SRGAP1: variants seen among roughly 807,000 people sequenced by gnomAD.
The protein encoded by SRGAP1 is SLIT-ROBO Rho GTPase-activating protein 1.
SRGAP1 carries 43 observed loss-of-function variants against 121.9 expected under a neutral mutation model. The observed-to-expected ratio is 0.35, with a 90% CI of 0.28 to 0.46. The LOEUF (loss-of-function observed/expected upper bound fraction) is 0.46. Ranked by LOEUF, SRGAP1 falls within the 20% of genes least tolerant of loss-of-function variation. The pLI, the probability that SRGAP1 is intolerant of heterozygous loss-of-function variation, is 1.00. For synonymous variants in SRGAP1, 447 were observed against 485.4 expected (o/e 0.92, Z 1.04); for missense variants, 1,102 against 1,350.9 (o/e 0.82, Z 2.89).
At chr12:64,092,164 T>C (rs2036064539) in intron 12 of SRGAP1, among the ~76,000 whole-genome samples, 1 of 152,172 alleles carries the variant, frequency 6.6e-6, no homozygotes, top group African/African-American at 2.4e-5. Flanking sequence ...ATGTATCAAG[T>C]TTGATCAAGG....
chr12:63,971,986 G>T (rs2032962775), intron 1 of SRGAP1, among the ~76,000 whole-genome samples: 1 of 152,158 alleles, frequency 6.6e-6, no homozygotes, highest in African/African-American at 2.4e-5. Flanking sequence ...TGGACCAGAG[G>T]TGATTGGAGC....
intron 4 of SRGAP1, among the ~76,000 whole-genome samples, chr12:64,035,679 T>A (rs2034889667): frequency 6.6e-6 from 1 of 152,170 alleles, no homozygotes; most frequent in African/African-American, 2.4e-5. Flanking sequence ...TGCAGTCGCC[T>A]CCAAGGCCAT....
chr12:63,983,397 T>C (rs1301026615), intron 1 of SRGAP1: 1 of 152,224 alleles, frequency 6.6e-6, no homozygotes, highest in Non-Finnish European at 1.5e-5. Context: ...TCGTTGTGTG[T>C]TTGTGGCATT....
At chr12:64,098,061 C>T (rs935324241) in intron 15 of SRGAP1, among the ~76,000 whole-genome samples, 1 of 152,048 alleles carries the variant, frequency 6.6e-6, no homozygotes, top group Non-Finnish European at 1.5e-5. Flanking sequence ...CTTTTAAGTC[C>T]GAGTTCCCAG....
intron 2 of SRGAP1, among the ~76,000 whole-genome samples, chr12:63,985,839 CACA>C (rs1232482937): frequency 1.3e-5 from 2 of 152,142 alleles, no homozygotes; most frequent in African/African-American, 4.8e-5. Context: ...CTTCACAGGG[CACA>C]ACAAGAAGAC....
rs147497245 is a variant in SRGAP1 at position 63,912,475 on chromosome 12, G to A, written c.67+67592G>A. On this transcript the variant is annotated intron_variant, in intron 1 of 21. Coordinates refer to ENST00000355086, the MANE Select transcript of SRGAP1 (RefSeq NM_020762.4). Reference sequence around the variant, plus strand: ...ATTAAAAATAAAAAATTACCCAGGCGTGGTGGCATGAGCCTGTAACCCCAG... The same window carrying A: ...ATTAAAAATAAAAAATTACCCAGGCATGGTGGCATGAGCCTGTAACCCCAG... Among the ~76,000 whole-genome samples, 80 of 152,210 alleles carry A rather than the reference G, an allele frequency of 5.3e-4. No homozygotes were observed. The East Asian group carries it at 0.015, about 28-fold the overall frequency.
At chr12:63,994,823 C>A (rs1323184839) in intron 3 of SRGAP1, among the ~76,000 whole-genome samples, 1 of 152,316 alleles carries the variant, frequency 6.6e-6, no homozygotes, top group African/African-American at 2.4e-5. Flanking sequence ...CCAGCTCTGC[C>A]TTCTGCAGTC....
chr12:63,902,064 C>T (rs1485318828), intron 1 of SRGAP1, among the ~76,000 whole-genome samples: 1 of 152,182 alleles, frequency 6.6e-6, no homozygotes, highest in Non-Finnish European at 1.5e-5. Context: ...CCTGTAATCC[C>T]AGTACTTTGG....
chr12:64,099,549 C>T (rs2036221478), intron 15 of SRGAP1, among the ~76,000 whole-genome samples: 1 of 152,184 alleles, frequency 6.6e-6, no homozygotes, highest in Non-Finnish European at 1.5e-5. Context: ...TAATCCTCCC[C>T]AGTCTGATGT....
At chr12:64,021,839 G>A (rs2034556473) in intron 4 of SRGAP1, among the ~76,000 whole-genome samples, 2 of 152,188 alleles carry the variant, frequency 1.3e-5, no homozygotes, top group South Asian at 2.1e-4. Context: ...TTTAACAGGT[G>A]GAATTCATTG....
intron 18 of SRGAP1, among the ~76,000 whole-genome samples, chr12:64,124,746 A>T (rs1005101354): frequency 1.3e-5 from 2 of 152,146 alleles, no homozygotes; most frequent in Non-Finnish European, 2.9e-5. Flanking sequence ...CTGAATTCCA[A>T]TTGTAAGTCT....
chr12:64,141,272 T>TAAAAAAAAAA (rs977006357), intron 21 of SRGAP1, among the ~76,000 whole-genome samples: 2 of 48,210 alleles, frequency 4.1e-5, no homozygotes, highest in African/African-American at 1.0e-4. Flanking sequence ...TAAAGTATAA[T>TAAAAAAAAAA]AAAAAAAAAA....
rs2037098261 is a variant in SRGAP1 at position 64,149,766 on chromosome 12, C to G, written c.*7094C>G. 6.6e-6 allele frequency: 1 copy of G among 152,096 alleles called. No homozygotes were observed. The highest frequency in any genetic ancestry group is 2.1e-4 in the South Asian group (1 of 4,826). 9.4% of individuals were successfully genotyped at this position (152,096 alleles called of 1,614,324 possible). On this transcript the variant is annotated 3_prime_UTR_variant, in exon 22 of 22. Transcript: ENST00000355086. The stretch of plus-strand genomic sequence containing the variant: ...TTTGACCTAGAATGTCAAAAAGGTC[C>G]TAAAAGCACAGAATGATGGTAAATT...
rs142238376 is a variant in SRGAP1, at chr12:63,875,277, G to GGT, written c.67+30411_67+30412dup. Among the ~76,000 whole-genome samples, 773 of 151,020 alleles carry GGT rather than the reference G, an allele frequency of 5.1e-3. 4 individuals carry two copies. Among genetic ancestry groups the GGT allele is most frequent in the African/African-American group, 0.01 (418 of 41,204 alleles). On this transcript the variant is annotated intron_variant, in intron 1 of 21. Coordinates refer to ENST00000355086, the MANE Select transcript of SRGAP1 (RefSeq NM_020762.4). ...CATAATAAGTGCTCAGTTATTGTTT[G>GGT]GTGTGTGTGTGTGTGTGTATATTTG...
intron 1 of SRGAP1, among the ~76,000 whole-genome samples, chr12:63,937,362 G>A (rs997959130): frequency 6.6e-6 from 1 of 152,122 alleles, no homozygotes; most frequent in Non-Finnish European, 1.5e-5. Context: ...ATATCTATAT[G>A]TGTACCATTT....
chr12:63,908,165 GA>G (rs1472982387), intron 1 of SRGAP1, among the ~76,000 whole-genome samples: 1 of 151,414 alleles, frequency 6.6e-6, no homozygotes, highest in East Asian at 1.9e-4. Context: ...TTCTTTTCAA[GA>G]TTTTTTTTTT....
intron 1 of SRGAP1, among the ~76,000 whole-genome samples, chr12:63,978,339 G>T (rs2033146728): frequency 6.6e-6 from 1 of 152,104 alleles, no homozygotes; most frequent in Admixed American, 6.5e-5. Context: ...ACCCTATAAA[G>T]AAACTTCGCA....
Position 64,109,030 on chromosome 12 carries a change from C to T in SRGAP1, c.1912C>T (p.Leu638Phe). 1 of 1,558,480 alleles carries T rather than the reference C, an allele frequency of 6.4e-7. No individual in the cohort carries two copies. Among genetic ancestry groups the T allele is most frequent in the Non-Finnish European group, 8.7e-7 (1 of 1,144,028 alleles). The change falls in exon 16 of 22, where the codon CTC (leucine) becomes TTC (phenylalanine). Residue 638 changes from leucine (L) to phenylalanine (F), a missense_variant. Transcript: ENST00000355086. ...AGTGATGAGGTACCTCTTTGCCTTC[C>T]TCAATCAGTAAGTACCTGAATGCTC... ...LIVMRYLFAF[L>F]NHLSQYSDEN...
intron 1 of SRGAP1, among the ~76,000 whole-genome samples, chr12:63,849,031 G>A (rs1353821440): frequency 6.6e-6 from 1 of 152,144 alleles, no homozygotes; most frequent in Non-Finnish European, 1.5e-5. Context: ...TTTAAATGGG[G>A]GACAAAAGGG....
Sources: allele counts gnomAD v4.1 joint callset (sites outside exome capture counted in the v4.1 genomes callset), GRCh38; gene constraint gnomAD v4.1.1; transcripts MANE v1.5; gene names NCBI Gene and HGNC (gene_info 2026-07-23, HGNC 2026-07-21).